PKLR: variants seen among roughly 807,000 people sequenced by gnomAD.
PKLR encodes the protein pyruvate kinase PKLR.
A neutral mutation model predicts 53.6 loss-of-function variants in PKLR; 38 were observed. That is an observed-to-expected ratio of 0.71 (90% CI 0.55 to 0.93). PKLR has a LOEUF of 0.93. Ranked by LOEUF, PKLR falls within the 40% of genes least tolerant of loss-of-function variation. PKLR has a pLI of 0.00. For missense variants in PKLR, 702 were observed against 787.3 expected (o/e 0.89, Z 1.30); for synonymous variants, 328 against 316.2 (o/e 1.04, Z -0.39).
chr1:155,297,441 C>A (rs1302844408), intron 2 of PKLR, among the ~76,000 whole-genome samples: 1 of 152,154 alleles, frequency 6.6e-6, no homozygotes, highest in African/African-American at 2.4e-5. Context: ...CGCCCACACT[C>A]CATACCCCAT....
At chr1:155,300,975 G>A in intron 1 of PKLR, 2 of 1,565,176 alleles carry the variant, frequency 1.3e-6, no homozygotes, top group Non-Finnish European at 8.7e-7. Context: ...GCTGGGCTGG[G>A]GATCAGTTCT....
chr1:155,291,722 G>C (rs1572051768), intron 10 of PKLR, 34 bp downstream of exon 10: 1 of 1,597,802 alleles, frequency 6.3e-7, no homozygotes, highest in East Asian at 2.2e-5. Context: ...TGATACAAAT[G>C]GTAGGAGTGG....
Position 155,291,855 on chromosome 1 carries a change from G to T in PKLR, c.1519C>A (p.His507Asn), listed in dbSNP as rs760152160. The T allele has an allele frequency of 6.2e-7, 1 of 1,614,080 alleles. No homozygotes were observed. The highest frequency in any genetic ancestry group is 1.1e-5 in the South Asian group (1 of 91,080). Residue 507 changes from histidine (H) to asparagine (N), a missense_variant, in exon 10 of 11, where the codon CAC (histidine) becomes AAC (asparagine). By Grantham distance (68) the His-to-Asn change is moderately conservative. Coordinates refer to ENST00000342741, the MANE Select transcript of PKLR (RefSeq NM_000298.6). ...TRSAQAARQV[H>N]LCRGVFPLLY... is the part of the protein sequence containing the mutation. ...AAGGGGAAGACTCCTCGGCATAAGT[G>T]GACCTGGCGGGCAGCCTGGGCAGAG...
In PKLR at chr1:155,294,532, TCCTTCCGGACCCAGAGCAGCCCTGA is replaced by T; in HGVS notation, c.890_914del (p.Val297AspfsTer16). The T allele has an allele frequency of 6.2e-7, 1 of 1,614,236 alleles. No individual in the cohort carries two copies. The highest frequency in any genetic ancestry group is 1.1e-5 in the South Asian group (1 of 91,086). On this transcript the variant is annotated frameshift_variant, in exon 6 of 11. Transcript: ENST00000342741. LOFTEE classifies it high-confidence loss of function. The stretch of plus-strand genomic sequence containing the variant: ...TTTTGCTGATGATCTTGATGCCGTG[TCCTTCCGGACCCAGAGCAGCCCTGA>T]CGGCAGCCACGTCGCTGGCTTTCCG...
chr1:155,294,622 C>G lies in PKLR; in HGVS notation c.825G>C (p.Gly275=). ...SEQDVRDLRF[G]VEHGVDIVFA... The stretch of plus-strand genomic sequence containing the variant: ...AGACGATGTCCACCCCATGCTCCAC[C>G]CCGAAGCGCAGGTCTCGGACGTCCT... The change falls in exon 6 of 11, where the codon GGG becomes GGC. Residue 275 remains glycine (G), a synonymous_variant. Coordinates refer to ENST00000342741, the MANE Select transcript of PKLR (RefSeq NM_000298.6). The G allele has an allele frequency of 1.2e-6, 2 of 1,614,214 alleles. No homozygotes were observed. The highest frequency in any genetic ancestry group is 1.7e-6 in the Non-Finnish European group (2 of 1,180,036).
In PKLR at chr1:155,293,764, C is replaced by T. The variant is rs1647368730; in HGVS notation, c.1117-174G>A. 6.6e-6 allele frequency among the ~76,000 whole-genome samples: 1 copy of T among 152,174 alleles called. No homozygotes were observed. Among genetic ancestry groups the T allele is most frequent in the Admixed American group, 6.5e-5 (1 of 15,286 alleles). ...TTAACTTTGTCGTTTGGTCACAACC[C>T]CTGAAAATAGGGGTCAAAGTATATT... On this transcript the variant is annotated intron_variant, in intron 7 of 10. Transcript: ENST00000342741. This position sits in a 1 kb window ranked among gnomAD's most constrained non-coding sequence, Gnocchi z 4.2.
rs754441130 is a variant in PKLR, at chr1:155,295,693, C to T, written c.347G>A (p.Arg116Gln). ...GTGGGAGCCGTGGGAGAAGTTGAGT[C>T]GCGCAATGTTCATCCCGGCCTTGAT... The part of the protein sequence containing the change: ...EMIKAGMNIA[R>Q]LNFSHGSHEY... Residue 116 changes from arginine to glutamine, a missense_variant, in exon 3 of 11, where the codon CGA becomes CAA. Transcript: ENST00000342741. This position sits in a 1 kb window ranked among gnomAD's most constrained non-coding sequence, Gnocchi z 4.3. 3 of 1,614,158 alleles carry T rather than the reference C, an allele frequency of 1.9e-6. No homozygotes were observed. The highest frequency in any genetic ancestry group is 2.5e-6 in the Non-Finnish European group (3 of 1,180,020).
chr1:155,299,907 G>A (rs935357322), intron 2 of PKLR, among the ~76,000 whole-genome samples, 191 bp downstream of exon 2: 6 of 152,146 alleles, frequency 3.9e-5, no homozygotes, highest in Admixed American at 6.5e-5. Context: ...CAAGGGTAGG[G>A]ATTTTTGTCT....
chr1:155,294,816 G>C lies in PKLR; in HGVS notation c.695-64C>G, dbSNP rs541025103. The C allele has an allele frequency of 1.6e-4, 249 of 1,588,074 alleles. 2 individuals are homozygous for C. The African/African-American group carries it at 3.0e-3, about 19-fold the overall frequency. On this transcript the variant is annotated intron_variant, in intron 5 of 10. Coordinates refer to ENST00000342741, the MANE Select transcript of PKLR (RefSeq NM_000298.6). ...GGACGGGGCACAGTTGCAGCAGAGA[G>C]GACACTGGGGCTTGGACCCGCAAGA... is the stretch of plus-strand genomic sequence containing the variant.
rs754282523 is a variant in PKLR at position 155,295,690 on chromosome 1, A to C, written c.350T>G (p.Leu117Arg). The C allele has an allele frequency of 6.2e-7, 1 of 1,614,116 alleles. No homozygotes were observed. The highest frequency in any genetic ancestry group is 1.7e-5 in the Admixed American group (1 of 60,030). Residue 117 changes from leucine (L) to arginine (R), a missense_variant, in exon 3 of 11, where the codon CTC becomes CGC. By Grantham distance (102) the Leu-to-Arg change is moderately radical. Around this residue, in one of 2 missense-constraint regions of PKLR, gnomAD observed 519 missense variants for 537.1 expected, o/e 0.97. Coordinates refer to ENST00000342741, the MANE Select transcript of PKLR (RefSeq NM_000298.6). This position sits in a 1 kb window ranked among gnomAD's most constrained non-coding sequence, Gnocchi z 4.3. ...CTCGTGGGAGCCGTGGGAGAAGTTGAGTCGCGCAATGTTCATCCCGGCCTT... is the reference window on the plus strand; with the variant it reads ...CTCGTGGGAGCCGTGGGAGAAGTTGCGTCGCGCAATGTTCATCCCGGCCTT... Reference protein sequence around the residue: ...MIKAGMNIARLNFSHGSHEYH... With the variant: ...MIKAGMNIARRNFSHGSHEYH...
rs1301412402 is a variant in PKLR at position 155,289,681 on chromosome 1, C to G, written c.*891G>C. ...AGGGACAAGAGTAGTCCTTTACCAC[C>G]CTCACTCTGCCTGTCCCCTCTCCTA... On this transcript the variant is annotated 3_prime_UTR_variant, in exon 11 of 11. Coordinates refer to ENST00000342741, the MANE Select transcript of PKLR (RefSeq NM_000298.6). 2 of 152,410 alleles carry G rather than the reference C, an allele frequency of 1.3e-5. No individual in the cohort carries two copies. The highest frequency in any genetic ancestry group is 2.9e-5 in the Non-Finnish European group (2 of 68,126). The allele number at this position is 152,410 out of a possible 1,614,324, so 9.4% of individuals were successfully genotyped here.
Position 155,300,262 on chromosome 1 carries a change from C to T in PKLR, c.119G>A (p.Arg40Gln), listed in dbSNP as rs745811076. Residue 40 changes from arginine to glutamine, a missense_variant, in exon 2 of 11, where the codon CGG (arginine) becomes CAG (glutamine). By Grantham distance (43) the Arg-to-Gln change is conservative. Coordinates refer to ENST00000342741, the MANE Select transcript of PKLR (RefSeq NM_000298.6). ...GAPGGPAGYL[R>Q]RASVAQLTQE... is the part of the protein sequence containing the mutation. The stretch of plus-strand genomic sequence containing the variant: ...GGTCAGTTGGGCCACACTGGCCCGC[C>T]GCAGATACCCCGCTGGCCCTGTGGT... The T allele has an allele frequency of 1.1e-5, 18 of 1,599,310 alleles. No individual in the cohort carries two copies. The highest frequency in any genetic ancestry group is 5.4e-5 in the African/African-American group (4 of 74,544).
At chr1:155,304,430 G>A (rs1268944206), upstream of PKLR, among the ~76,000 whole-genome samples, 3 of 88,758 alleles carry the variant, frequency 3.4e-5, no homozygotes, top group African/African-American at 4.8e-5. Flanking sequence ...GCAAAACTGC[G>A]TCTCAAAAAA....
intron 2 of PKLR, among the ~76,000 whole-genome samples, chr1:155,299,143 T>C (rs559040302): frequency 3.3e-4 from 46 of 137,722 alleles, no homozygotes; most frequent in African/African-American, 1.2e-3. Flanking sequence ...CCCTCCCTCC[T>C]TCCTTCCTTC....
Position 155,295,331 on chromosome 1 carries a change from T to C in PKLR, c.508-29A>G. ...AGGAGGGAGCCAGAGGAGATGTGAG[T>C]TCTGAGCCCCGGAGTCCGGGACCCG... On this transcript the variant is annotated intron_variant, in intron 4 of 10. Coordinates refer to ENST00000342741, the MANE Select transcript of PKLR (RefSeq NM_000298.6). The surrounding 1 kb of genome is among the most constrained non-coding windows in gnomAD (Gnocchi z 4.3). 7.4e-6 allele frequency: 12 copies of C among 1,613,594 alleles called. No homozygotes were observed. The highest frequency in any genetic ancestry group is 1.0e-5 in the Non-Finnish European group (12 of 1,179,732).
upstream of PKLR, among the ~76,000 whole-genome samples, chr1:155,303,632 T>A (rs1174428796): frequency 6.6e-6 from 1 of 152,160 alleles, no homozygotes; most frequent in African/African-American, 2.4e-5. Context: ...TTTTATTTAT[T>A]TATTTTTTTG....
rs768823171 is a variant in PKLR, at chr1:155,294,233, A to C, written c.1116+2T>G. On this transcript the variant is annotated splice_donor_variant, in intron 7 of 10. Transcript: ENST00000342741. LOFTEE classifies it high-confidence loss of function. ...GCCGAACCTCAAGGCCTCACTCCAG[A>C]CCTGTGTGGCACAGACAACAGGCTT... 14 of 1,614,018 alleles carry C rather than the reference A, an allele frequency of 8.7e-6. No individual in the cohort carries two copies. The highest frequency in any genetic ancestry group is 5.0e-5 in the Admixed American group (3 of 59,990).
chr1:155,291,788 A>G lies in PKLR; in HGVS notation c.1586T>C (p.Val529Ala). 6.2e-7 allele frequency: 1 copy of G among 1,614,168 alleles called. No individual in the cohort carries two copies. Among genetic ancestry groups the G allele is most frequent in the Non-Finnish European group, 8.5e-7 (1 of 1,180,014 alleles). Residue 529 changes from valine to alanine, a missense_variant, in exon 10 of 11, where the codon GTA becomes GCA. Transcript: ENST00000342741. ...AATGCCAAATTGCACCCGGCGATCT[A>G]CATCATCTGCCCAGATGGCTTCTGG... ...EPPEAIWADD[V>A]DRRVQFGIES...
chr1:155,292,707 A>G (rs1378244619), intron 9 of PKLR, among the ~76,000 whole-genome samples: 1 of 152,152 alleles, frequency 6.6e-6, no homozygotes, highest in African/African-American at 2.4e-5. Context: ...AAAGTCCATT[A>G]TGTGCTTAAT....
Sources: gnomAD v4.1 joint callset for allele counts (sites outside exome capture counted in the v4.1 genomes callset) on GRCh38, gnomAD v4.1.1 for gene constraint, gnomAD v4.1.1 regional missense constraint, Gnocchi (gnomAD v3.1) non-coding constraint, MANE v1.5 for transcripts, NCBI Gene and HGNC (gene_info 2026-07-23, HGNC 2026-07-21) for gene names.